The following AKT2 variants were observed in gnomAD, a reference collection of about 807,000 sequenced individuals.
The protein encoded by AKT2 is RAC-beta serine/threonine-protein kinase.
AKT2 carries 16 observed loss-of-function variants against 58.6 expected under a neutral mutation model. That is an observed-to-expected ratio of 0.27 (90% CI 0.18 to 0.41). The LOEUF is 0.41. AKT2 is among the 10% of genes least tolerant of loss of function. The pLI, the probability that AKT2 is intolerant of heterozygous loss-of-function variation, is 1.00. For missense variants in AKT2, 438 were observed against 661.0 expected (o/e 0.66, Z 3.70); for synonymous variants, 253 against 254.0 (o/e 1.00, Z 0.04).
chr19:40,242,428 T>G lies in AKT2; in HGVS notation c.441+106A>C. The G allele has an allele frequency of 6.5e-7, 1 of 1,543,970 alleles. No homozygotes were observed. The highest frequency in any genetic ancestry group is 8.9e-7 in the Non-Finnish European group (1 of 1,128,654). ...CCACCCTGCAGGGCAGCCTTGTCTC[T>G]CAGCTGAGCCCCCTGAACTGTGTTA... On this transcript the variant is annotated intron_variant, in intron 5 of 13. Transcript: ENST00000392038. This position sits in a 1 kb window ranked among gnomAD's most constrained non-coding sequence, Gnocchi z 4.3.
intron 1 of AKT2, among the ~76,000 whole-genome samples, chr19:40,267,552 T>C (rs1976447914): frequency 6.6e-6 from 1 of 152,156 alleles, no homozygotes; most frequent in African/African-American, 2.4e-5. Context: ...TGTGTGCTCT[T>C]TGTGCACCCT....
In AKT2 at chr19:40,242,222, T is replaced by C. The variant is rs1955292298; in HGVS notation, c.442-153A>G. 8.5e-7 allele frequency: 1 copy of C among 1,172,780 alleles called. No individual in the cohort carries two copies. Among genetic ancestry groups the C allele is most frequent in the Non-Finnish European group, 1.2e-6 (1 of 815,732 alleles). 72.6% of individuals were successfully genotyped at this position (1,172,780 alleles called of 1,614,324 possible). A position where few individuals can be genotyped will look rare whatever the true frequency, so the allele number is the denominator to read the frequency against. ...GAGGCTCTGGGCAGCAACTGTGTGT[T>C]CTGAAGCGGCCTTCAGACCAGGCTC... On this transcript the variant is annotated intron_variant, in intron 5 of 13. Transcript: ENST00000392038. The surrounding 1 kb of genome is among the most constrained non-coding windows in gnomAD (Gnocchi z 4.3).
intron 1 of AKT2, among the ~76,000 whole-genome samples, chr19:40,271,276 T>C (rs2077210946): frequency 6.9e-6 from 1 of 145,152 alleles, no homozygotes; most frequent in Non-Finnish European, 1.5e-5. Flanking sequence ...TATATATATA[T>C]AGTAGTCAGG....
Position 40,285,165 on chromosome 19 carries a change from G to C in AKT2, c.-85+16C>G. On this transcript the variant is annotated intron_variant, in intron 1 of 13. Coordinates refer to ENST00000392038, the MANE Select transcript of AKT2 (RefSeq NM_001626.6). ...TCGTGGGGGGGGCGTTCGGGGACAC[G>C]CGCTGGCGCACTCACCTGTCACCGG... is the stretch of plus-strand genomic sequence containing the variant. 1 of 393,412 alleles carries C rather than the reference G, an allele frequency of 2.5e-6. No homozygotes were observed. The highest frequency in any genetic ancestry group is 4.5e-6 in the Non-Finnish European group (1 of 222,600). The allele number at this position is 393,412 out of a possible 1,614,324, so 24.4% of individuals were successfully genotyped here.
At chr19:40,262,567 C>G (rs1414361679) in intron 2 of AKT2, among the ~76,000 whole-genome samples, 1 of 152,184 alleles carries the variant, frequency 6.6e-6, no homozygotes, top group Non-Finnish European at 1.5e-5. Context: ...ATTACTACAC[C>G]CTTGGCCTTA....
chr19:40,240,031 G>A lies in AKT2; in HGVS notation c.639+14C>T, dbSNP rs1974293236. The A allele has an allele frequency of 1.2e-6, 2 of 1,613,410 alleles. No homozygotes were observed. The highest frequency in any genetic ancestry group is 1.3e-5 in the African/African-American group (1 of 74,906). ...GCTGGCCTCACACTGTCTGGGAAGG[G>A]GAGGGCAACTCACAGTGAGGAACGG... On this transcript the variant is annotated intron_variant, in intron 7 of 13. Coordinates refer to ENST00000392038, the MANE Select transcript of AKT2 (RefSeq NM_001626.6).
In AKT2 at chr19:40,242,558, C is replaced by A. The variant is rs142991191; in HGVS notation, c.417G>T (p.Ala139=). 1.9e-6 allele frequency: 3 copies of A among 1,613,766 alleles called. No individual in the cohort carries two copies. Among genetic ancestry groups the A allele is most frequent in the Non-Finnish European group, 2.5e-6 (3 of 1,180,030 alleles). ...CCACTTTAGCCCGTGCCTTGCTGAC[C>A]GCCACTTCCATCTCCTCAGTCGTGG... ...DSSTTEEMEV[A]VSKARAKVTM... The change falls in exon 5 of 14, where the codon GCG becomes GCT. Residue 139 remains alanine, a synonymous_variant. Transcript: ENST00000392038. The surrounding 1 kb of genome is among the most constrained non-coding windows in gnomAD (Gnocchi z 4.3).
At chr19:40,266,847 G>A (rs1391312698) in intron 1 of AKT2, among the ~76,000 whole-genome samples, 1 of 152,202 alleles carries the variant, frequency 6.6e-6, no homozygotes. Context: ...CTGTGCACCT[G>A]TAATGTCAGC....
chr19:40,276,644 G>A (rs2077331349), intron 1 of AKT2, among the ~76,000 whole-genome samples: 1 of 151,908 alleles, frequency 6.6e-6, no homozygotes, highest in Non-Finnish European at 1.5e-5. Context: ...GATTACAGGT[G>A]TGAACCACCG....
intron 2 of AKT2, among the ~76,000 whole-genome samples, chr19:40,263,324 A>C (rs756672969): frequency 3.3e-5 from 5 of 152,184 alleles, no homozygotes; most frequent in Non-Finnish European, 7.3e-5. Flanking sequence ...TTCATTCAAC[A>C]ACCATTTACT....
At position 40,233,643 on chromosome 19, in the gene AKT2, G is replaced by A; in HGVS notation, c.*229C>T. The stretch of plus-strand genomic sequence containing the variant: ...CCAACAGCCCAGGCCTGGGCGGGAG[G>A]TGGAGTCTTCCAAATGCGAGTCTGG... On this transcript the variant is annotated 3_prime_UTR_variant, in exon 14 of 14. Coordinates refer to ENST00000392038, the MANE Select transcript of AKT2 (RefSeq NM_001626.6). This position sits in a 1 kb window ranked among gnomAD's most constrained non-coding sequence, Gnocchi z 4.3. 1 of 757,226 alleles carries A rather than the reference G, an allele frequency of 1.3e-6. No homozygotes were observed. Among genetic ancestry groups the A allele is most frequent in the Non-Finnish European group, 2.4e-6 (1 of 413,154 alleles). 46.9% of individuals were successfully genotyped at this position (757,226 alleles called of 1,614,324 possible).
intron 6 of AKT2, 66 bp from the exon 7 acceptor site, chr19:40,240,176 A>C: frequency 6.8e-7 from 1 of 1,477,756 alleles, no homozygotes; most frequent in Non-Finnish European, 9.5e-7. Context: ...GCCCCGACGA[A>C]GGGGAGCAAG....
chr19:40,276,954 T>C (rs536569831), intron 1 of AKT2, among the ~76,000 whole-genome samples: 248 of 152,138 alleles, frequency 1.6e-3, no homozygotes, highest in Non-Finnish European at 3.1e-3. Context: ...GCCAGTGAGG[T>C]CAAGGCTGCA....
At position 40,233,643 on chromosome 19, in the gene AKT2, G is replaced by C; in HGVS notation, c.*229C>G. 1.3e-6 allele frequency: 1 copy of C among 757,226 alleles called. No homozygotes were observed. The highest frequency in any genetic ancestry group is 2.4e-6 in the Non-Finnish European group (1 of 413,154). The allele number at this position is 757,226 out of a possible 1,614,324, so 46.9% of individuals were successfully genotyped here. A position where few individuals can be genotyped will look rare whatever the true frequency, so the allele number is the denominator to read the frequency against. Reference sequence around the variant, plus strand: ...CCAACAGCCCAGGCCTGGGCGGGAGGTGGAGTCTTCCAAATGCGAGTCTGG... The same window carrying C: ...CCAACAGCCCAGGCCTGGGCGGGAGCTGGAGTCTTCCAAATGCGAGTCTGG... On this transcript the variant is annotated 3_prime_UTR_variant, in exon 14 of 14. Transcript: ENST00000392038. This position sits in a 1 kb window ranked among gnomAD's most constrained non-coding sequence, Gnocchi z 4.3.
intron 2 of AKT2, among the ~76,000 whole-genome samples, chr19:40,265,018 A>G (rs976342129): frequency 3.9e-5 from 6 of 152,214 alleles, no homozygotes; most frequent in African/African-American, 1.4e-4. Context: ...GAGATCACTC[A>G]TGCACAGTCA....
chr19:40,252,037 C>G (rs1341242418), intron 4 of AKT2, among the ~76,000 whole-genome samples: 1 of 152,202 alleles, frequency 6.6e-6, no homozygotes, highest in Non-Finnish European at 1.5e-5. Flanking sequence ...GAGGGTCTCT[C>G]CAGCTGGAGA....
At chr19:40,262,050 G>A (rs1233883268) in intron 2 of AKT2, among the ~76,000 whole-genome samples, 1 of 151,926 alleles carries the variant, frequency 6.6e-6, no homozygotes, top group Non-Finnish European at 1.5e-5. Flanking sequence ...CACTGGGATT[G>A]GGGCGAGTTT....
chr19:40,238,784 G>T lies in AKT2; in HGVS notation c.708+121C>A. On this transcript the variant is annotated intron_variant, in intron 8 of 13. Coordinates refer to ENST00000392038, the MANE Select transcript of AKT2 (RefSeq NM_001626.6). The surrounding 1 kb of genome is among the most constrained non-coding windows in gnomAD (Gnocchi z 5.1). ...CGAAGCCGCCTGCCTCAAGGGAGAG[G>T]GGCACTAGATGACACTGAAATTTCC... is the stretch of plus-strand genomic sequence containing the variant. 9.4e-7 allele frequency: 1 copy of T among 1,062,900 alleles called. No homozygotes were observed. Among genetic ancestry groups the T allele is most frequent in the Non-Finnish European group, 1.5e-6 (1 of 685,674 alleles). 65.8% of individuals were successfully genotyped at this position (1,062,900 alleles called of 1,614,324 possible).
chr19:40,238,891 C>G lies in AKT2; in HGVS notation c.708+14G>C. 6.2e-7 allele frequency: 1 copy of G among 1,614,048 alleles called. No homozygotes were observed. The highest frequency in any genetic ancestry group is 8.5e-7 in the Non-Finnish European group (1 of 1,179,966). On this transcript the variant is annotated intron_variant, in intron 8 of 13. Transcript: ENST00000392038. The surrounding 1 kb of genome is among the most constrained non-coding windows in gnomAD (Gnocchi z 5.1). The stretch of plus-strand genomic sequence containing the variant: ...GAGGCCCCAGAGGGCAAAGTCAAGG[C>G]AGCCGCGGCTCACCTCACCCCCGTT...
Sources: gnomAD v4.1 joint callset for allele counts (sites outside exome capture counted in the v4.1 genomes callset) on GRCh38, gnomAD v4.1.1 for gene constraint, Gnocchi (gnomAD v3.1) non-coding constraint, MANE v1.5 for transcripts, NCBI Gene and HGNC (gene_info 2026-07-23, HGNC 2026-07-21) for gene names.